The following SKIC3 variants were observed in gnomAD, a reference collection of about 807,000 sequenced individuals.
SKIC3 encodes the protein superkiller complex protein 3.
the SKIC3 span, among the ~76,000 whole-genome samples, chr5:95,477,737 C>T: frequency 6.6e-6 from 1 of 152,164 alleles, no homozygotes; most frequent in Non-Finnish European, 1.5e-5. Context: ...AAAATTCATA[C>T]CACATATATG....
chr5:95,523,426 AT>A, the SKIC3 span: 1 of 1,379,792 alleles, frequency 7.2e-7, no homozygotes, highest in Non-Finnish European at 9.9e-7. Flanking sequence ...CTCACTTCTG[AT>A]TTTTTAAACT....
chr5:95,507,539 C>T, the SKIC3 span, among the ~76,000 whole-genome samples: 1 of 152,100 alleles, frequency 6.6e-6, no homozygotes, highest in Non-Finnish European at 1.5e-5. Context: ...ATGCTCAGTT[C>T]CCTATGGGCA....
At chr5:95,513,544 C>A in the SKIC3 span, 10 of 1,605,718 alleles carry the variant, frequency 6.2e-6, no homozygotes, top group Admixed American at 1.5e-4. Context: ...ATTAATGAAT[C>A]CTCAAGAAGA....
At chr5:95,540,300 T>A in the SKIC3 span, among the ~76,000 whole-genome samples, 1 of 152,098 alleles carries the variant, frequency 6.6e-6, no homozygotes, top group Admixed American at 6.5e-5. Flanking sequence ...TACAATGGAC[T>A]TCGGGGACTT....
At chr5:95,484,600 G>A in the SKIC3 span, 2 of 1,351,214 alleles carry the variant, frequency 1.5e-6, no homozygotes. Context: ...TCCCATCTCA[G>A]TCTCCCAAAG....
At chr5:95,469,014 C>T in the SKIC3 span, among the ~76,000 whole-genome samples, 1 of 152,244 alleles carries the variant, frequency 6.6e-6, no homozygotes, top group East Asian at 1.9e-4. Context: ...TAATCTTCCA[C>T]CATCCCTATT....
the SKIC3 span, chr5:95,512,570 C>G: frequency 6.8e-6 from 11 of 1,613,888 alleles, no homozygotes; most frequent in Admixed American, 1.7e-4. Flanking sequence ...TTGCTTTTAT[C>G]TTGCAATGTT....
the SKIC3 span, chr5:95,513,475 A>C: frequency 3.0e-6 from 4 of 1,348,320 alleles, no homozygotes; most frequent in Non-Finnish European, 4.2e-6. Context: ...TTACAGGCAT[A>C]AGCCACTATG....
the SKIC3 span, chr5:95,506,875 A>T: frequency 6.5e-7 from 1 of 1,550,348 alleles, no homozygotes; most frequent in Non-Finnish European, 8.9e-7. Flanking sequence ...GCAGTCCCAT[A>T]GCTTTCACCA....
chr5:95,503,799 G>C, the SKIC3 span: 1 of 1,613,272 alleles, frequency 6.2e-7, no homozygotes, highest in Non-Finnish European at 8.5e-7. Flanking sequence ...CTTAGCTTCA[G>C]AGCAATATAC....
At chr5:95,524,581 C>T in the SKIC3 span, 1 of 1,613,456 alleles carries the variant, frequency 6.2e-7, no homozygotes, top group East Asian at 2.2e-5. Context: ...TTCTCAAGAG[C>T]TCTCTGAAAA....
At chr5:95,543,076 T>C in the SKIC3 span, 1 of 1,337,768 alleles carries the variant, frequency 7.5e-7, no homozygotes, top group Non-Finnish European at 1.0e-6. Flanking sequence ...TTTTCTTACA[T>C]GGGGCAAATG....
At chr5:95,514,833 A>G in the SKIC3 span, 7 of 1,608,260 alleles carry the variant, frequency 4.4e-6, no homozygotes, top group Non-Finnish European at 6.0e-6. Context: ...GCTTATTAGT[A>G]ACTATATGTT....
At chr5:95,464,924 CT>C in the SKIC3 span, among the ~76,000 whole-genome samples, 24,993 of 106,292 alleles carry the variant, frequency 0.24, 1,543 homozygotes, top group East Asian at 0.28. Context: ...ATTCTGATTG[CT>C]TTTTTTTTTT....
chr5:95,529,434 C>T, the SKIC3 span: 1 of 377,516 alleles, frequency 2.6e-6, no homozygotes, highest in African/African-American at 2.1e-5. Flanking sequence ...ACTGATTCCC[C>T]ACTGTTGTCA....
At chr5:95,523,162 T>A in the SKIC3 span, 6 of 1,612,436 alleles carry the variant, frequency 3.7e-6, no homozygotes, top group African/African-American at 8.0e-5. Flanking sequence ...GGAACCGTTA[T>A]GCTTGTCTAA....
chr5:95,490,584 G>A, the SKIC3 span, among the ~76,000 whole-genome samples: 17 of 150,168 alleles, frequency 1.1e-4, no homozygotes, highest in African/African-American at 2.9e-4. Context: ...TGCAAGCTCC[G>A]CCTCCTGGGT....
At chr5:95,485,626 TAGA>T in the SKIC3 span, among the ~76,000 whole-genome samples, 1 of 152,180 alleles carries the variant, frequency 6.6e-6, no homozygotes, top group Admixed American at 6.5e-5. Flanking sequence ...GCTGGCCTCA[TAGA>T]AGATGTCAGA....
the SKIC3 span, chr5:95,482,384 G>A: frequency 2.9e-6 from 4 of 1,364,554 alleles, no homozygotes; most frequent in East Asian, 9.2e-5. Context: ...GTGACAGCAA[G>A]CCAAATAAAA....
Sources: allele counts gnomAD v4.1 joint callset (sites outside exome capture counted in the v4.1 genomes callset), GRCh38; gene constraint gnomAD v4.1.1; transcripts MANE v1.5; gene names NCBI Gene and HGNC (gene_info 2026-07-23, HGNC 2026-07-21).